LOC400499: variants seen among roughly 807,000 people sequenced by gnomAD.
chr16:11,508,288 C>G, the LOC400499 span, among the ~76,000 whole-genome samples: 1 of 152,214 alleles, frequency 6.6e-6, no homozygotes, highest in Admixed American at 6.5e-5. Context: ...GGAACTGGCC[C>G]TAAGTCTCAA....
At chr16:11,401,608 G>A in the LOC400499 span, among the ~76,000 whole-genome samples, 1 of 152,270 alleles carries the variant, frequency 6.6e-6, no homozygotes, top group Non-Finnish European at 1.5e-5. Context: ...GAGAGGAGCA[G>A]ATGGAGCGAA....
the LOC400499 span, among the ~76,000 whole-genome samples, chr16:11,526,607 A>G: frequency 1.3e-5 from 2 of 152,194 alleles, no homozygotes; most frequent in Admixed American, 1.3e-4. Context: ...TATTGATTAC[A>G]TTTTCTAATT....
chr16:11,417,282 A>G, the LOC400499 span, among the ~76,000 whole-genome samples: 1 of 152,154 alleles, frequency 6.6e-6, no homozygotes, highest in South Asian at 2.1e-4. Flanking sequence ...GCTGGAGGGC[A>G]GTGTTGCAAT....
At chr16:11,424,252 G>A in the LOC400499 span, 1 of 399,220 alleles carries the variant, frequency 2.5e-6, no homozygotes, top group South Asian at 1.3e-4. Flanking sequence ...GCACCGTCTA[G>A]CTGAGCCCCC....
chr16:11,396,705 G>C, the LOC400499 span: 1 of 1,231,688 alleles, frequency 8.1e-7, no homozygotes, highest in Admixed American at 4.2e-5. Flanking sequence ...GTGTCAGGCA[G>C]GCACAGGGGT....
chr16:11,525,352 G>C, the LOC400499 span, among the ~76,000 whole-genome samples: 6 of 151,588 alleles, frequency 4.0e-5, no homozygotes, highest in African/African-American at 9.7e-5. Flanking sequence ...GGTGGAGGTA[G>C]GGTGCATTAT....
chr16:11,514,442 G>C, the LOC400499 span: 5 of 399,056 alleles, frequency 1.3e-5, no homozygotes, highest in Non-Finnish European at 2.2e-5. Flanking sequence ...TGCCTTTGCA[G>C]GAAGTGGCCC....
At chr16:11,521,654 C>T in the LOC400499 span, among the ~76,000 whole-genome samples, 2 of 152,160 alleles carry the variant, frequency 1.3e-5, no homozygotes, top group African/African-American at 4.8e-5. Flanking sequence ...ACCCCTAGGG[C>T]ACAGTATGTC....
chr16:11,520,044 T>A, the LOC400499 span, among the ~76,000 whole-genome samples: 3 of 152,034 alleles, frequency 2.0e-5, no homozygotes, highest in Non-Finnish European at 4.4e-5. Context: ...AACAGGCAAG[T>A]TCATAGAGAC....
At chr16:11,382,736 G>C in the LOC400499 span, among the ~76,000 whole-genome samples, 1 of 152,172 alleles carries the variant, frequency 6.6e-6, no homozygotes, top group Non-Finnish European at 1.5e-5. Flanking sequence ...CTTGAACCCA[G>C]GAGGTGGAAG....
At chr16:11,377,235 AGTT>A in the LOC400499 span, among the ~76,000 whole-genome samples, 4 of 152,210 alleles carry the variant, frequency 2.6e-5, no homozygotes, top group African/African-American at 9.6e-5. Context: ...TAGTTCTAAC[AGTT>A]GTTTTTTATT....
At chr16:11,464,170 T>G in the LOC400499 span, among the ~76,000 whole-genome samples, 6 of 151,794 alleles carry the variant, frequency 4.0e-5, no homozygotes, top group East Asian at 1.2e-3. Flanking sequence ...TATGGACATG[T>G]GTATGTCATA....
chr16:11,372,675 TG>T, the LOC400499 span: 1 of 865,200 alleles, frequency 1.2e-6, no homozygotes, highest in Non-Finnish European at 1.4e-6. Flanking sequence ...GAGCTGGAAT[TG>T]CAGTAGAAGG....
chr16:11,402,929 C>T, the LOC400499 span, among the ~76,000 whole-genome samples: 1 of 152,150 alleles, frequency 6.6e-6, no homozygotes, highest in African/African-American at 2.4e-5. Context: ...GGAAGCCCCA[C>T]ACCCCATGCC....
At chr16:11,461,426 G>C in the LOC400499 span, among the ~76,000 whole-genome samples, 1 of 152,156 alleles carries the variant, frequency 6.6e-6, no homozygotes, top group Non-Finnish European at 1.5e-5. Flanking sequence ...TCACTATGTT[G>C]CCCAGGCTGG....
the LOC400499 span, among the ~76,000 whole-genome samples, chr16:11,479,201 G>T: frequency 6.6e-6 from 1 of 152,180 alleles, no homozygotes; most frequent in African/African-American, 2.4e-5. Flanking sequence ...CCTAGAGCAT[G>T]AACCAAATCC....
the LOC400499 span, among the ~76,000 whole-genome samples, chr16:11,424,513 C>G: frequency 4.6e-5 from 7 of 152,350 alleles, no homozygotes; most frequent in Admixed American, 2.0e-4. Context: ...CCCAATACAC[C>G]AGGTTAAACC....
the LOC400499 span, among the ~76,000 whole-genome samples, chr16:11,525,469 C>G: frequency 2.0e-5 from 3 of 152,106 alleles, no homozygotes; most frequent in African/African-American, 4.8e-5. Flanking sequence ...TCTTTGCATT[C>G]AAGTAGAATA....
chr16:11,425,516 G>C, the LOC400499 span: 2 of 398,288 alleles, frequency 5.0e-6, no homozygotes. Context: ...AGAATTTGGG[G>C]GTAAGAAGTT....
Sources: allele counts gnomAD v4.1 joint callset (sites outside exome capture counted in the v4.1 genomes callset), GRCh38; gene constraint gnomAD v4.1.1; transcripts MANE v1.5.